Variants in CCAR2 observed in about 807,000 individuals in gnomAD.
CCAR2 encodes the protein cell cycle and apoptosis regulator 2, also known as cell cycle and apoptosis regulator protein 2.
A neutral mutation model predicts 108.1 loss-of-function variants in CCAR2; 21 were observed. The ratio of observed to expected loss-of-function variants is 0.19; its 90% CI spans 0.14 to 0.28. The LOEUF is 0.28. Ranked by LOEUF, CCAR2 falls within the 10% of genes least tolerant of loss-of-function variation. The probability of loss-of-function intolerance (pLI) is 1.00; values close to 1 mark genes in which losing one functional copy is unlikely to be tolerated. For synonymous variants in CCAR2, 577 were observed against 472.8 expected (o/e 1.22, Z -2.86); for missense variants, 1,126 against 1,177.0 (o/e 0.96, Z 0.63).
At chr8:22,616,290 G>GACCGCGC (rs1801506597) in intron 14 of CCAR2, 42 bp downstream of exon 14, 1 of 1,571,888 alleles carries the variant, frequency 6.4e-7, no homozygotes, top group Admixed American at 1.7e-5. Context: ...TGCTTACCGT[G>GACCGCGC]ACCGCGCACC....
chr8:22,615,374 C>G, intron 11 of CCAR2, 51 bp from the exon 12 acceptor site: 3 of 1,582,534 alleles, frequency 1.9e-6, no homozygotes, highest in Non-Finnish European at 1.7e-6. Context: ...AACGTGGTGT[C>G]TGCGTGGAGT....
At chr8:22,620,606 C>T (rs962749322), downstream of CCAR2, 1 of 152,160 alleles carries the variant, frequency 6.6e-6, no homozygotes, top group Non-Finnish European at 1.5e-5. Flanking sequence ...CGCACACACC[C>T]CTGGCATGCT....
intron 1 of CCAR2, chr8:22,605,245 C>T (rs79550139): frequency 6.0e-6 from 1 of 165,612 alleles, no homozygotes; most frequent in South Asian, 1.3e-4. Flanking sequence ...CCCACACAGT[C>T]TCCTCGCCGG....
Position 22,608,003 on chromosome 8 carries a change from C to T in CCAR2, c.522C>T (p.His174=). Residue 174 remains histidine (H), a synonymous_variant, in exon 7 of 21, where the codon CAC becomes CAT. Transcript: ENST00000308511. ...TCTTCCAAACATCCCACACACTTCA[C>T]CTGAGCCACCTGAACAGATTTCCTG... ...LSLFQTSHTL[H]LSHLNRFPAR... 1.2e-6 allele frequency: 2 copies of T among 1,614,070 alleles called. No homozygotes were observed. Among genetic ancestry groups the T allele is most frequent in the East Asian group, 2.2e-5 (1 of 44,888 alleles).
intron 14 of CCAR2, among the ~76,000 whole-genome samples, chr8:22,616,931 A>G (rs1801543458): frequency 1.2e-5 from 1 of 85,646 alleles, no homozygotes; most frequent in Non-Finnish European, 2.0e-5. Context: ...ACCCAGGCTG[A>G]AGTGCAGTGG....
In CCAR2 at chr8:22,606,128, C is replaced by T. The variant is rs757057044; in HGVS notation, c.102C>T (p.Leu34=). ...TTCTGGGCCCTCCTCCTGGTTTGCTCACTCCTCCTGTGGCCACAGAACTGT... is the reference window on the plus strand; with the variant it reads ...TTCTGGGCCCTCCTCCTGGTTTGCTTACTCCTCCTGTGGCCACAGAACTGT... ...TSLLGPPPGL[L]TPPVATELSQ... is the part of the protein sequence containing the mutation. Residue 34 remains leucine (L), a synonymous_variant, in exon 3 of 21, where the codon CTC becomes CTT. Coordinates refer to ENST00000308511, the MANE Select transcript of CCAR2 (RefSeq NM_001393997.1). 5 of 1,614,038 alleles carry T rather than the reference C, an allele frequency of 3.1e-6. No individual in the cohort carries two copies. The Admixed American group carries it at 5.0e-5, about 16-fold the overall frequency.
intron 7 of CCAR2, among the ~76,000 whole-genome samples, chr8:22,610,658 C>T (rs548475846): frequency 4.6e-5 from 7 of 152,354 alleles, no homozygotes; most frequent in Non-Finnish European, 7.3e-5. Flanking sequence ...TGGAGATGCT[C>T]ATGCACATGG....
chr8:22,605,628 C>T, intron 1 of CCAR2, 108 bp from the exon 2 acceptor site: 6 of 664,484 alleles, frequency 9.0e-6, no homozygotes, highest in East Asian at 7.6e-5. Context: ...ATTCTTATTA[C>T]CCACCTCCCT....
chr8:22,616,396 C>T (rs1801510785), intron 14 of CCAR2, 148 bp downstream of exon 14: 2 of 713,618 alleles, frequency 2.8e-6, no homozygotes, highest in Non-Finnish European at 4.7e-6. Context: ...TAGTAAGTAG[C>T]ACACCTAGTG....
chr8:22,619,840 CTGGGGGCTGTGCTATGTGGGA>C lies in CCAR2; in HGVS notation c.*162_*182del. ...CTCTAGGGGACGGCAGGCCATCAGGCTGGGGGCTGTGCTATGTGGGATGGATGTGTGAGGAACCCCGGTTCC... is the reference window on the plus strand; with the variant it reads ...CTCTAGGGGACGGCAGGCCATCAGGCTGGATGTGTGAGGAACCCCGGTTCC... On this transcript the variant is annotated 3_prime_UTR_variant, in exon 21 of 21. Coordinates refer to ENST00000308511, the MANE Select transcript of CCAR2 (RefSeq NM_001393997.1). The C allele has an allele frequency of 1.4e-6, 1 of 735,512 alleles. No individual in the cohort carries two copies. The highest frequency in any genetic ancestry group is 1.7e-5 in the South Asian group (1 of 59,964). 45.6% of individuals were successfully genotyped at this position (735,512 alleles called of 1,614,324 possible). A position where few individuals can be genotyped will look rare whatever the true frequency, so the allele number is the denominator to read the frequency against.
At chr8:22,609,427 C>G (rs1276061230) in intron 7 of CCAR2, among the ~76,000 whole-genome samples, 4 of 152,210 alleles carry the variant, frequency 2.6e-5, no homozygotes, top group Admixed American at 1.3e-4. Flanking sequence ...GCTGGGATTA[C>G]AGGTGTGGGC....
intron 20 of CCAR2, 103 bp downstream of exon 20, chr8:22,619,458 AG>A: frequency 6.9e-7 from 1 of 1,443,126 alleles, no homozygotes; most frequent in South Asian, 1.3e-5. Context: ...GAGGGCCAGC[AG>A]GCACCGGCTT....
At chr8:22,607,843 C>CT (rs575297967) in intron 6 of CCAR2, 126 bp from the exon 7 acceptor site, 101 of 715,854 alleles carry the variant, frequency 1.4e-4, no homozygotes, top group Non-Finnish European at 2.2e-4. Context: ...CCAGGCTAGT[C>CT]TTGAACTCCT....
chr8:22,618,330 A>ATCTT lies in CCAR2; in HGVS notation c.2074-17_2074-14dup, dbSNP rs768555643. ...AGGGAACTATTTGCAAATCCTGCTC[A>ATCTT]TCTTTGTTTTCTTTGCAGCCCAAGG... On this transcript the variant is annotated intron_variant, in intron 16 of 20. Coordinates refer to ENST00000308511, the MANE Select transcript of CCAR2 (RefSeq NM_001393997.1). 1 of 1,614,042 alleles carries ATCTT rather than the reference A, an allele frequency of 6.2e-7. No homozygotes were observed.
At chr8:22,605,862 C>G in intron 2 of CCAR2, 31 bp downstream of exon 2, 3 of 1,604,990 alleles carry the variant, frequency 1.9e-6, no homozygotes, top group Non-Finnish European at 1.7e-6. Flanking sequence ...CTGGCCTCAT[C>G]CTGGGAAGTA....
At position 22,605,737 on chromosome 8, in the gene CCAR2, CT is replaced by C; in HGVS notation, c.-33del. ...AATTTCTTTCTTTTTGGATTGAAGC[CT>C]TTTCCCCACGACTCTGAAAGAGGAC... On this transcript the variant is annotated splice_region_variant and 5_prime_UTR_variant, in exon 2 of 21. Coordinates refer to ENST00000308511, the MANE Select transcript of CCAR2 (RefSeq NM_001393997.1). 6.3e-6 allele frequency: 10 copies of C among 1,587,016 alleles called. No homozygotes were observed. The highest frequency in any genetic ancestry group is 2.7e-5 in the African/African-American group (2 of 74,158).
In CCAR2 at chr8:22,607,352, G is replaced by T. The variant is rs769758401; in HGVS notation, c.487+27G>T. The T allele has an allele frequency of 3.1e-6, 5 of 1,605,694 alleles. No homozygotes were observed. In the African/African-American group the frequency reaches 4.0e-5, roughly 13 times the overall value. On this transcript the variant is annotated intron_variant, in intron 6 of 20. Transcript: ENST00000308511. Reference sequence around the variant, plus strand: ...TGAGTACGAGTGGCACTGTTGTTGGGTGTGGCATTATGGGGTAGTTTAGAT... The same window carrying T: ...TGAGTACGAGTGGCACTGTTGTTGGTTGTGGCATTATGGGGTAGTTTAGAT...
chr8:22,613,950 G>T, intron 8 of CCAR2, 142 bp from the exon 9 acceptor site: 2 of 674,286 alleles, frequency 3.0e-6, no homozygotes, highest in Non-Finnish European at 5.0e-6. Flanking sequence ...GGTCAGATCT[G>T]ATCTAGCTTC....
In CCAR2 at chr8:22,619,962, G is replaced by A; in HGVS notation, c.*280G>A. On this transcript the variant is annotated 3_prime_UTR_variant, in exon 21 of 21. Coordinates refer to ENST00000308511, the MANE Select transcript of CCAR2 (RefSeq NM_001393997.1). ...CCTCAACCTTGGTATTTCTCCTGGG[G>A]CCCTTTTAGTCTTGTGCTGACTTTC... The A allele has an allele frequency of 2.0e-6, 1 of 498,406 alleles. No homozygotes were observed. Among genetic ancestry groups the A allele is most frequent in the Non-Finnish European group, 3.6e-6 (1 of 274,358 alleles). 30.9% of individuals were successfully genotyped at this position (498,406 alleles called of 1,614,324 possible).
Sources: gnomAD v4.1 joint callset for allele counts (sites outside exome capture counted in the v4.1 genomes callset) on GRCh38, gnomAD v4.1.1 for gene constraint, MANE v1.5 for transcripts, NCBI Gene and HGNC (gene_info 2026-07-23, HGNC 2026-07-21) for gene names.